DOCK9: variants seen among roughly 807,000 people sequenced by gnomAD.
DOCK9 encodes the protein dedicator of cytokinesis 9, also known as dedicator of cytokinesis protein 9.
In DOCK9, 89 loss-of-function variants were observed where a neutral mutation model predicts 263.3. That is an observed-to-expected ratio of 0.34 (90% CI 0.28 to 0.40). The LOEUF (loss-of-function observed/expected upper bound fraction) is 0.40. Among genes scored for constraint, DOCK9 ranks in the 10% least tolerant of loss-of-function variants. The pLI is 1.00. For missense variants in DOCK9, 2,140 were observed against 2,603.4 expected, an observed-to-expected ratio of 0.82 and a Z score of 3.87; for synonymous variants, 976 against 973.1, an observed-to-expected ratio of 1.00 and a Z score of -0.06.
At chr13:99,002,590 A>G (rs1882573741) in intron 1 of DOCK9, among the ~76,000 whole-genome samples, 1 of 152,208 alleles carries the variant, frequency 6.6e-6, no homozygotes. Context: ...GAATTCAGCA[A>G]CTTTTTTCTA....
Position 98,883,136 on chromosome 13 carries a change from G to A in DOCK9, c.2470-5C>T. On this transcript the variant is annotated splice_polypyrimidine_tract_variant and splice_region_variant and intron_variant, in intron 22 of 52. Coordinates refer to ENST00000682017, the MANE Select transcript of DOCK9 (RefSeq NM_001366683.2). ...AAAATTATGTAAATGCTGATCCTGAGGTAGGGAAAAAGGAAAAGAAGAAGA... is the reference window on the plus strand; with the variant it reads ...AAAATTATGTAAATGCTGATCCTGAAGTAGGGAAAAAGGAAAAGAAGAAGA... 6.2e-7 allele frequency: 1 copy of A among 1,609,646 alleles called. No individual in the cohort carries two copies. The highest frequency in any genetic ancestry group is 8.5e-7 in the Non-Finnish European group (1 of 1,177,480).
At chr13:99,026,370 C>G (rs1886726042) in intron 1 of DOCK9, among the ~76,000 whole-genome samples, 1 of 152,196 alleles carries the variant, frequency 6.6e-6, no homozygotes. Context: ...TGAAAGTACC[C>G]TAATTTCAAT....
At chr13:98,949,470 TCC>T (rs2057141360) in intron 2 of DOCK9, among the ~76,000 whole-genome samples, 1 of 152,030 alleles carries the variant, frequency 6.6e-6, no homozygotes, top group African/African-American at 2.4e-5. Flanking sequence ...CCTCCTCCAT[TCC>T]TCCATGGCAG....
chr13:98,860,102 C>A, intron 33 of DOCK9: 1 of 971,046 alleles, frequency 1.0e-6, no homozygotes, highest in Non-Finnish European at 1.3e-6. Flanking sequence ...TATCCCTTAA[C>A]AGTATACACA....
chr13:98,902,614 C>G, intron 11 of DOCK9, 123 bp from the exon 12 acceptor site: 1 of 858,030 alleles, frequency 1.2e-6, no homozygotes, highest in South Asian at 1.7e-5. Flanking sequence ...ACTAAACAGT[C>G]TCATCCTTCT....
intron 2 of DOCK9, chr13:98,950,285 G>A: frequency 2.6e-6 from 2 of 758,320 alleles, no homozygotes; most frequent in Non-Finnish European, 4.4e-6. Flanking sequence ...GAATCATATA[G>A]GAATGATTCC....
chr13:98,950,256 G>T, intron 2 of DOCK9: 1 of 817,898 alleles, frequency 1.2e-6, no homozygotes. Flanking sequence ...GATGCAGCTT[G>T]TCGTGTTTCT....
At position 98,879,889 on chromosome 13, in the gene DOCK9, G is replaced by T; in HGVS notation, c.2943+9C>A. 6.3e-7 allele frequency: 1 copy of T among 1,598,942 alleles called. No individual in the cohort carries two copies. The highest frequency in any genetic ancestry group is 1.1e-5 in the South Asian group (1 of 87,802). ...CTAAGAACACAAGCTTCCACTTGAA[G>T]TAACATACCTTAACTTTGGAGTTCT... On this transcript the variant is annotated intron_variant, in intron 27 of 52. Transcript: ENST00000682017.
Position 98,942,218 on chromosome 13 carries a change from ATGTTTTTTTTTTTGT to A in DOCK9, c.244-11976_244-11962del, listed in dbSNP as rs747046613. Among the ~76,000 whole-genome samples the A allele has an allele frequency of 1.3e-3, 169 of 127,780 alleles. 1 individual carries two copies. The highest frequency in any genetic ancestry group is 4.9e-3 in the African/African-American group (149 of 30,172). 83.8% of individuals were successfully genotyped at this position (127,780 alleles called of 152,430 possible). On this transcript the variant is annotated intron_variant, in intron 2 of 52. Coordinates refer to ENST00000682017, the MANE Select transcript of DOCK9 (RefSeq NM_001366683.2). The stretch of plus-strand genomic sequence containing the variant: ...CAGTTGTCTGTATGTGTCTCTGGTT[ATGTTTTTTTTTTTGT>A]TGTTTTTTTTTTTTGTTTTTTTGAG...
chr13:98,980,341 T>C (rs181191104), upstream of DOCK9, among the ~76,000 whole-genome samples: 14 of 152,272 alleles, frequency 9.2e-5, no homozygotes, highest in African/African-American at 2.9e-4. Context: ...CATAACTCTA[T>C]GTAATACTGT....
chr13:98,981,056 T>G (rs1214846050), upstream of DOCK9, among the ~76,000 whole-genome samples: 1 of 151,828 alleles, frequency 6.6e-6, no homozygotes, highest in African/African-American at 2.4e-5. Context: ...AGTAATTTGT[T>G]TTTTGTTTTT....
intron 1 of DOCK9, among the ~76,000 whole-genome samples, chr13:99,042,364 G>A (rs114628566): frequency 2.3e-3 from 347 of 152,254 alleles, no homozygotes; most frequent in African/African-American, 5.6e-3. Context: ...CATGTCCAGC[G>A]CAAGGACACT....
At chr13:98,887,143 ATTTTTTTT>A (rs58434344) in intron 18 of DOCK9, among the ~76,000 whole-genome samples, 98 of 94,976 alleles carry the variant, frequency 1.0e-3, no homozygotes, top group South Asian at 2.2e-3. Flanking sequence ...ATATATATAT[ATTTTTTTT>A]TTTTTTTTTT....
chr13:98,876,881 C>G (rs2043941961), intron 27 of DOCK9, among the ~76,000 whole-genome samples: 1 of 152,184 alleles, frequency 6.6e-6, no homozygotes, highest in African/African-American at 2.4e-5. Flanking sequence ...GTTTGTGAAT[C>G]TCTTTTTATA....
intron 27 of DOCK9, among the ~76,000 whole-genome samples, chr13:98,873,197 A>G (rs1475805768): frequency 6.6e-6 from 1 of 152,166 alleles, no homozygotes; most frequent in African/African-American, 2.4e-5. Context: ...CATTGCCCCA[A>G]TAAGTCTCAA....
chr13:99,073,345 TCTC>T (rs1294363427), intron 1 of DOCK9, among the ~76,000 whole-genome samples: 2 of 151,422 alleles, frequency 1.3e-5, no homozygotes, highest in African/African-American at 4.9e-5. Context: ...CTTTCTCTCC[TCTC>T]TTCTTCTTCT....
At chr13:98,860,995 CAT>C (rs534520508) in intron 32 of DOCK9, among the ~76,000 whole-genome samples, 44 of 152,212 alleles carry the variant, frequency 2.9e-4, no homozygotes, top group African/African-American at 9.4e-4. Context: ...GTGGAGAAAT[CAT>C]ATTAATTTTT....
At chr13:98,893,458 A>G (rs2046935835) in intron 15 of DOCK9, among the ~76,000 whole-genome samples, 1 of 152,220 alleles carries the variant, frequency 6.6e-6, no homozygotes, top group African/African-American at 2.4e-5. Context: ...ACAAAGTACC[A>G]AGTCTCTCTT....
At chr13:98,912,165 C>G (rs553494796) in intron 9 of DOCK9, among the ~76,000 whole-genome samples, 1 of 152,206 alleles carries the variant, frequency 6.6e-6, no homozygotes, top group East Asian at 1.9e-4. Flanking sequence ...AGCCACTATG[C>G]CCGACCTAAA....
Sources: gnomAD v4.1 joint callset for allele counts (sites outside exome capture counted in the v4.1 genomes callset) on GRCh38, gnomAD v4.1.1 for gene constraint, MANE v1.5 for transcripts, NCBI Gene and HGNC (gene_info 2026-07-23, HGNC 2026-07-21) for gene names.